Variants in AP1AR observed in about 807,000 individuals in gnomAD.
The protein encoded by AP1AR is adaptor related protein complex 1 associated regulatory protein, also known as AP-1 complex-associated regulatory protein.
A neutral mutation model predicts 46.3 loss-of-function variants in AP1AR; 29 were observed. That is an observed-to-expected ratio of 0.63 (90% CI 0.47 to 0.85). The LOEUF (loss-of-function observed/expected upper bound fraction) is 0.85. Among genes scored for constraint, AP1AR ranks in the 40% least tolerant of loss-of-function variants. AP1AR has a pLI of 0.00. For synonymous variants in AP1AR, 122 were observed against 122.9 expected (o/e 0.99, Z 0.05); for missense variants, 357 against 356.3 (o/e 1.00, Z -0.02).
chr4:112,260,839 C>G lies in AP1AR; in HGVS notation c.259C>G (p.Leu87Val), dbSNP rs762175909. 3 of 1,598,504 alleles carry G rather than the reference C, an allele frequency of 1.9e-6. No individual in the cohort carries two copies. The South Asian group carries it at 3.4e-5, about 18-fold the overall frequency. Residue 87 changes from leucine (L) to valine (V), a missense_variant, in exon 5 of 10, where the codon CTT (leucine) becomes GTT (valine). Physicochemically the swap from Leu to Val is conservative, Grantham distance 32. Around this residue, in one of 2 missense-constraint regions of AP1AR, gnomAD observed 269 missense variants for 223.6 expected, o/e 1.20. Coordinates refer to ENST00000274000, the MANE Select transcript of AP1AR (RefSeq NM_018569.6). Reference protein sequence around the residue: ...YDSIAEKQKDLDKKIQKELAL... With the variant: ...YDSIAEKQKDVDKKIQKELAL... ...TTCCATTGCCGAAAAACAAAAAGAT[C>G]TTGATAAGAAAATTCAAAAAGAGGT... is the stretch of plus-strand genomic sequence containing the variant.
In AP1AR at chr4:112,231,992, A is replaced by AC. The variant is rs1366462207; in HGVS notation, c.-96dup. Reference sequence around the variant, plus strand: ...TGGCCGGCCCGCCCTCGGTCCTTGAACCCCATTTCGGCTCGTGCCGTGCGG... The same window carrying AC: ...TGGCCGGCCCGCCCTCGGTCCTTGAACCCCCATTTCGGCTCGTGCCGTGCGG... On this transcript the variant is annotated 5_prime_UTR_variant, in exon 1 of 10. Coordinates refer to ENST00000274000, the MANE Select transcript of AP1AR (RefSeq NM_018569.6). 1.7e-5 allele frequency: 20 copies of AC among 1,146,882 alleles called. No homozygotes were observed. Among genetic ancestry groups the AC allele is most frequent in the Non-Finnish European group, 2.1e-5 (19 of 884,192 alleles). The allele number at this position is 1,146,882 out of a possible 1,614,324, so 71.0% of individuals were successfully genotyped here.
At chr4:112,265,199 A>T (rs924381884) in intron 7 of AP1AR, 132 bp downstream of exon 7, 1 of 640,474 alleles carries the variant, frequency 1.6e-6, no homozygotes, top group Non-Finnish European at 2.6e-6. Context: ...TCCTTCTAAA[A>T]GACATTGTCT....
Position 112,268,532 on chromosome 4 carries a change from T to C in AP1AR, c.*123T>C. On this transcript the variant is annotated 3_prime_UTR_variant, in exon 10 of 10. Coordinates refer to ENST00000274000, the MANE Select transcript of AP1AR (RefSeq NM_018569.6). ...GTGTAAGAAACCATGTTGTAAATGC[T>C]TATTTTATTACAAAGGAGTAGGGAT... 2.1e-6 allele frequency: 2 copies of C among 959,678 alleles called. No individual in the cohort carries two copies. Among genetic ancestry groups the C allele is most frequent in the East Asian group, 2.7e-5 (1 of 36,578 alleles). The allele number at this position is 959,678 out of a possible 1,614,324, so 59.4% of individuals were successfully genotyped here.
chr4:112,251,761 G>T (rs1725971714), intron 1 of AP1AR, among the ~76,000 whole-genome samples: 1 of 152,090 alleles, frequency 6.6e-6, no homozygotes, highest in South Asian at 2.1e-4. Flanking sequence ...AGGATTAAGG[G>T]TATTGCATTT....
chr4:112,258,399 A>G (rs928367720), intron 4 of AP1AR, among the ~76,000 whole-genome samples: 2 of 152,234 alleles, frequency 1.3e-5, no homozygotes, highest in African/African-American at 4.8e-5. Flanking sequence ...GATTTTAAAA[A>G]TCAGACATAG....
intron 1 of AP1AR, among the ~76,000 whole-genome samples, chr4:112,243,209 C>A (rs995253926): frequency 2.0e-5 from 3 of 152,212 alleles, no homozygotes; most frequent in Non-Finnish European, 2.9e-5. Flanking sequence ...GAGAATTCTT[C>A]CAGCTTCTCA....
chr4:112,246,242 A>G (rs1405578525), intron 1 of AP1AR, among the ~76,000 whole-genome samples: 1 of 152,316 alleles, frequency 6.6e-6, no homozygotes, highest in East Asian at 1.9e-4. Context: ...GTGGTGGCTC[A>G]CACCTGTAAT....
At chr4:112,263,771 G>T (rs547369386) in intron 6 of AP1AR, among the ~76,000 whole-genome samples, 19 of 152,284 alleles carry the variant, frequency 1.2e-4, no homozygotes, top group Non-Finnish European at 2.6e-4. Flanking sequence ...ACAATCTTAT[G>T]AGATAGTGTT....
At chr4:112,233,592 A>G (rs1400020149) in intron 1 of AP1AR, among the ~76,000 whole-genome samples, 1 of 152,236 alleles carries the variant, frequency 6.6e-6, no homozygotes, top group Non-Finnish European at 1.5e-5. Flanking sequence ...TAACTCCAAG[A>G]AAGTTGGTTG....
At chr4:112,261,051 A>G (rs1726421427) in intron 5 of AP1AR, among the ~76,000 whole-genome samples, 189 bp downstream of exon 5, 1 of 152,256 alleles carries the variant, frequency 6.6e-6, no homozygotes, top group South Asian at 2.1e-4. Context: ...CAGAAATCAT[A>G]TGCTGCCAAA....
rs547313639 is a variant in AP1AR, at chr4:112,239,692, A to G, written c.83+7518A>G. On this transcript the variant is annotated intron_variant, in intron 1 of 9. Transcript: ENST00000274000. ...TCGTCATTTGTTGCCTAGATTTCCA[A>G]TAATTCTGTGTGTATTCCTCGTTCA... is the stretch of plus-strand genomic sequence containing the variant. 3.3e-5 allele frequency among the ~76,000 whole-genome samples: 5 copies of G among 152,272 alleles called. No homozygotes were observed. In the East Asian group the frequency reaches 7.7e-4, roughly 24 times the overall value.
At chr4:112,235,322 A>G (rs1189015292) in intron 1 of AP1AR, among the ~76,000 whole-genome samples, 1 of 152,154 alleles carries the variant, frequency 6.6e-6, no homozygotes, top group Admixed American at 6.5e-5. Context: ...TCCTATTTCT[A>G]TATTACTGTA....
At chr4:112,241,933 A>G (rs551150229) in intron 1 of AP1AR, among the ~76,000 whole-genome samples, 1 of 152,318 alleles carries the variant, frequency 6.6e-6, no homozygotes, top group African/African-American at 2.4e-5. Flanking sequence ...AATTTTTAAT[A>G]GACTTTGGAA....
intron 6 of AP1AR, 94 bp from the exon 7 acceptor site, chr4:112,264,915 C>A: frequency 3.8e-5 from 34 of 903,322 alleles, no homozygotes; most frequent in South Asian, 8.8e-5. Flanking sequence ...TTTTTAGAAA[C>A]TAGAAAAAAA....
intron 1 of AP1AR, among the ~76,000 whole-genome samples, chr4:112,247,354 A>ATC (rs1282686978): frequency 6.6e-6 from 1 of 152,236 alleles, no homozygotes; most frequent in Admixed American, 6.5e-5. Flanking sequence ...CCAGGGTTAA[A>ATC]TATAGGAATA....
intron 1 of AP1AR, among the ~76,000 whole-genome samples, chr4:112,247,360 G>A (rs1303669778): frequency 6.6e-6 from 1 of 152,184 alleles, no homozygotes; most frequent in East Asian, 1.9e-4. Context: ...TTAAATATAG[G>A]AATACTTTTA....
intron 3 of AP1AR, among the ~76,000 whole-genome samples, chr4:112,256,885 T>C (rs1337953546): frequency 6.6e-6 from 1 of 152,244 alleles, no homozygotes; most frequent in Non-Finnish European, 1.5e-5. Flanking sequence ...AATACAAGGT[T>C]AGGTTCCTGC....
chr4:112,236,718 T>C lies in AP1AR; in HGVS notation c.83+4544T>C, dbSNP rs533712860. 6.6e-5 allele frequency among the ~76,000 whole-genome samples: 10 copies of C among 152,130 alleles called. No homozygotes were observed. In the East Asian group the frequency reaches 1.9e-3, roughly 29 times the overall value. On this transcript the variant is annotated intron_variant, in intron 1 of 9. Coordinates refer to ENST00000274000, the MANE Select transcript of AP1AR (RefSeq NM_018569.6). ...GCCCGGCCCTAAATTTAAAAGTCTT[T>C]TTTCCTTCTGTGACAGCATGATGAA... is the stretch of plus-strand genomic sequence containing the variant.
At chr4:112,248,618 G>C (rs572126243) in intron 1 of AP1AR, among the ~76,000 whole-genome samples, 4 of 152,204 alleles carry the variant, frequency 2.6e-5, no homozygotes, top group Non-Finnish European at 5.9e-5. Context: ...TCTTCTCTCT[G>C]CTTTTGTGCA....
Sources: allele counts gnomAD v4.1 joint callset (sites outside exome capture counted in the v4.1 genomes callset), GRCh38; gene constraint gnomAD v4.1.1; regional missense constraint gnomAD v4.1.1; transcripts MANE v1.5; gene names NCBI Gene and HGNC (gene_info 2026-07-23, HGNC 2026-07-21).